RMND1: variants seen among roughly 807,000 people sequenced by gnomAD.
RMND1 encodes required for meiotic nuclear division protein 1 homolog.
In RMND1, 41 loss-of-function variants were observed where a neutral mutation model predicts 54.0. The observed-to-expected ratio is 0.76, with a 90% CI of 0.59 to 0.98. The LOEUF is 0.98. Among genes scored for constraint, RMND1 ranks in the 50% least tolerant of loss-of-function variants. The pLI, the probability that RMND1 is intolerant of heterozygous loss-of-function variation, is 0.00. For synonymous variants in RMND1, 183 were observed against 181.7 expected, an observed-to-expected ratio of 1.01 and a Z score of -0.06; for missense variants, 457 against 532.0, an observed-to-expected ratio of 0.86 and a Z score of 1.39.
At chr6:151,410,330 C>T (rs1231395239) in intron 10 of RMND1, among the ~76,000 whole-genome samples, 2 of 152,170 alleles carry the variant, frequency 1.3e-5, no homozygotes, top group East Asian at 1.9e-4. Flanking sequence ...GCTGGGATTA[C>T]AGGCATGAGC....
At chr6:151,449,052 C>G (rs540692972) in intron 1 of RMND1, among the ~76,000 whole-genome samples, 2 of 107,284 alleles carry the variant, frequency 1.9e-5, no homozygotes, top group East Asian at 2.8e-4. Context: ...CAAAGCGAGA[C>G]TCTGTCTCAA....
At chr6:151,437,937 GA>G in intron 2 of RMND1, among the ~76,000 whole-genome samples, 1 of 152,208 alleles carries the variant, frequency 6.6e-6, no homozygotes, top group African/African-American at 2.4e-5. Flanking sequence ...AATCCAATTA[GA>G]AAAAAAGTCA....
chr6:151,410,290 T>A (rs113539046), intron 10 of RMND1, among the ~76,000 whole-genome samples: 2 of 152,030 alleles, frequency 1.3e-5, no homozygotes, highest in Admixed American at 1.3e-4. Flanking sequence ...CTCCTGACCT[T>A]GTGATCCGCC....
At chr6:151,438,739 C>T (rs1173318058) in intron 2 of RMND1, among the ~76,000 whole-genome samples, 2 of 151,936 alleles carry the variant, frequency 1.3e-5, no homozygotes, top group African/African-American at 4.8e-5. Context: ...TGTCTCACGT[C>T]TGCTTCACCA....
chr6:151,423,731 C>A, intron 6 of RMND1, 100 bp from the exon 7 acceptor site: 3 of 781,286 alleles, frequency 3.8e-6, no homozygotes, highest in Non-Finnish European at 6.7e-6. Context: ...GTCATTTTGA[C>A]AATTTGTATC....
rs779800042 is a variant in RMND1 at position 151,427,551 on chromosome 6, T to C, written c.761A>G (p.His254Arg). The change falls in exon 6 of 12, where the codon CAT becomes CGT. Residue 254 changes from histidine (H) to arginine (R), a missense_variant. Transcript: ENST00000444024. ...TGCGATTTCATAGGGCTGAATTTCATGTTTTTCTAGAACTTTCATCACATG... is the reference window on the plus strand; with the variant it reads ...TGCGATTTCATAGGGCTGAATTTCACGTTTTTCTAGAACTTTCATCACATG... ...MKHVMKVLEK[H>R]EIQPYEIALV... The C allele has an allele frequency of 1.2e-6, 2 of 1,611,886 alleles. No homozygotes were observed. Among genetic ancestry groups the C allele is most frequent in the Non-Finnish European group, 1.7e-6 (2 of 1,178,430 alleles).
rs148083942 is a variant in RMND1 at position 151,445,386 on chromosome 6, T to G, written c.426A>C (p.Pro142=). 43 of 1,613,922 alleles carry G rather than the reference T, an allele frequency of 2.7e-5. No homozygotes were observed. Among genetic ancestry groups the G allele is most frequent in the Non-Finnish European group, 3.6e-5 (43 of 1,179,878 alleles). ...ATGCTTTTAGTGGTCTCTTCACCTG[T>G]GGGAAGTCTTGTTTTGGAACAAATG... ...TETFVPKQDF[P]QVKRPLKASR... Residue 142 remains proline (P), a synonymous_variant, in exon 2 of 12, where the codon CCA becomes CCC. Transcript: ENST00000444024.
At chr6:151,445,971 A>C in intron 1 of RMND1, 146 bp from the exon 2 acceptor site, 1 of 756,716 alleles carries the variant, frequency 1.3e-6, no homozygotes, top group Non-Finnish European at 2.0e-6. Flanking sequence ...GAACAAGGTT[A>C]AAAATATAAG....
intron 11 of RMND1, 149 bp from the exon 12 acceptor site, chr6:151,405,416 C>A (rs1582935750): frequency 1.4e-6 from 1 of 707,256 alleles, no homozygotes; most frequent in Admixed American, 2.7e-5. Flanking sequence ...ATTGGAGGTA[C>A]GGGTGCTTGA....
intron 3 of RMND1, among the ~76,000 whole-genome samples, chr6:151,434,116 AT>A (rs1278872116): frequency 6.6e-6 from 1 of 152,156 alleles, no homozygotes; most frequent in Non-Finnish European, 1.5e-5. Context: ...CCCAAAGTGC[AT>A]TACAAGCATG....
intron 3 of RMND1, among the ~76,000 whole-genome samples, chr6:151,434,690 A>G (rs1272937470): frequency 6.6e-6 from 1 of 152,176 alleles, no homozygotes; most frequent in Non-Finnish European, 1.5e-5. Context: ...GGATTATCAC[A>G]ATGATATTTC....
At chr6:151,408,908 A>G (rs1779716138) in intron 10 of RMND1, 1 of 152,250 alleles carries the variant, frequency 6.6e-6, no homozygotes. Flanking sequence ...GACCTACAGA[A>G]CAGTAAGATG....
chr6:151,446,903 A>G (rs1780968562), intron 1 of RMND1, among the ~76,000 whole-genome samples: 1 of 150,920 alleles, frequency 6.6e-6, no homozygotes, highest in Non-Finnish European at 1.5e-5. Context: ...TCTGTCTCAA[A>G]AAAAAAAAAA....
intron 5 of RMND1, among the ~76,000 whole-genome samples, chr6:151,428,978 A>G (rs1349391813): frequency 6.6e-6 from 1 of 152,076 alleles, no homozygotes; most frequent in African/African-American, 2.4e-5. Flanking sequence ...TATTTTCTTA[A>G]ATTTATTGGT....
intron 2 of RMND1, among the ~76,000 whole-genome samples, chr6:151,444,789 G>C (rs1485193747): frequency 6.6e-6 from 1 of 152,048 alleles, no homozygotes; most frequent in African/African-American, 2.4e-5. Flanking sequence ...ACCCCTTAAG[G>C]ATGAATAAAA....
chr6:151,433,089 C>T, intron 4 of RMND1, 66 bp downstream of exon 4: 1 of 959,028 alleles, frequency 1.0e-6, no homozygotes, highest in Non-Finnish European at 1.6e-6. Flanking sequence ...ATGCCTGCAC[C>T]TTTAAAGACC....
At chr6:151,448,968 T>C (rs1375019915) in intron 1 of RMND1, among the ~76,000 whole-genome samples, 1 of 143,970 alleles carries the variant, frequency 6.9e-6, no homozygotes, top group East Asian at 2.2e-4. Context: ...TCCCAGTTAC[T>C]TGGGAGGCTG....
chr6:151,447,747 C>T (rs1251088488), intron 1 of RMND1, among the ~76,000 whole-genome samples: 1 of 141,736 alleles, frequency 7.1e-6, no homozygotes, highest in Non-Finnish European at 1.5e-5. Flanking sequence ...TTTGAAGAAA[C>T]TATAAAATAT....
At chr6:151,428,680 C>T (rs7772902) in intron 5 of RMND1, among the ~76,000 whole-genome samples, 1,608 of 152,224 alleles carry the variant, frequency 0.011, 25 homozygotes, top group African/African-American at 0.034. Context: ...TACAGGTACA[C>T]ACTACCACAC....
Sources: allele counts gnomAD v4.1 joint callset (sites outside exome capture counted in the v4.1 genomes callset), GRCh38; gene constraint gnomAD v4.1.1; transcripts MANE v1.5; gene names NCBI Gene and HGNC (gene_info 2026-07-23, HGNC 2026-07-21).